Variants in CCDC7 observed in about 807,000 individuals in gnomAD.
The protein encoded by CCDC7 is coiled-coil domain-containing protein 7.
A neutral mutation model predicts 196.9 loss-of-function variants in CCDC7; 183 were observed. That is an observed-to-expected ratio of 0.93 (90% CI 0.82 to 1.05). The LOEUF (loss-of-function observed/expected upper bound fraction) is 1.05, where lower values mean the gene tolerates loss of function less well. Ranked by LOEUF, CCDC7 falls within the 50% of genes least tolerant of loss-of-function variation. The pLI is 0.00. For missense variants in CCDC7, 1,540 were observed against 1,482.2 expected, an observed-to-expected ratio of 1.04 and a Z score of -0.64; for synonymous variants, 525 against 484.6, an observed-to-expected ratio of 1.08 and a Z score of -1.10.
At chr10:32,774,581 A>T (rs1022692647) in intron 28 of CCDC7, among the ~76,000 whole-genome samples, 5 of 151,564 alleles carry the variant, frequency 3.3e-5, no homozygotes, top group African/African-American at 1.2e-4. Context: ...TTTCTCCACT[A>T]CTCCCTTGAG....
intron 28 of CCDC7, among the ~76,000 whole-genome samples, chr10:32,739,177 C>T (rs2085393785): frequency 2.0e-5 from 3 of 151,916 alleles, no homozygotes; most frequent in Admixed American, 2.0e-4. Context: ...GGTTTGATGT[C>T]TACCATTAAT....
chr10:32,448,680 C>A (rs1424628005), upstream of CCDC7, among the ~76,000 whole-genome samples: 1 of 151,956 alleles, frequency 6.6e-6, no homozygotes, highest in South Asian at 2.1e-4. Context: ...TAAAAAAAAT[C>A]CTATTATTGG....
At chr10:32,808,558 C>T (rs11527658) in intron 30 of CCDC7, among the ~76,000 whole-genome samples, 13,390 of 146,676 alleles carry the variant, frequency 0.091, 860 homozygotes, top group East Asian at 0.35. Context: ...CAAGGACCCA[C>T]CTACCTGCTG....
chr10:32,658,428 G>GA (rs961127523), intron 20 of CCDC7, among the ~76,000 whole-genome samples: 1 of 134,276 alleles, frequency 7.4e-6, no homozygotes, highest in Non-Finnish European at 1.6e-5. Context: ...TGCAAAGGGG[G>GA]AAAAACCTCT....
chr10:32,828,677 A>G (rs1323247690), intron 32 of CCDC7, among the ~76,000 whole-genome samples: 1 of 152,172 alleles, frequency 6.6e-6, no homozygotes, highest in African/African-American at 2.4e-5. Context: ...TACAATGCCA[A>G]CTAGGTGACA....
rs1027909305 is a variant in CCDC7, at chr10:32,522,332, A to G, written c.993+3827A>G. 1.4e-4 allele frequency among the ~76,000 whole-genome samples: 22 copies of G among 152,170 alleles called. No individual in the cohort carries two copies. The East Asian group carries it at 2.1e-3, about 15-fold the overall frequency. On this transcript the variant is annotated intron_variant, in intron 11 of 41. Transcript: ENST00000639629. ...TTTCCTTACTGGGAGACTTTTTATTATGGCTTTGATCTCGTTACTTTTTGT... is the reference window on the plus strand; with the variant it reads ...TTTCCTTACTGGGAGACTTTTTATTGTGGCTTTGATCTCGTTACTTTTTGT...
intron 24 of CCDC7, among the ~76,000 whole-genome samples, chr10:32,705,005 G>T (rs112772646): frequency 6.6e-6 from 1 of 152,050 alleles, no homozygotes; most frequent in East Asian, 1.9e-4. Context: ...CGCTCAGTGC[G>T]CTGCGCCCAC....
intron 29 of CCDC7, among the ~76,000 whole-genome samples, chr10:32,803,994 A>G (rs1241537113): frequency 1.3e-5 from 2 of 152,150 alleles, no homozygotes; most frequent in African/African-American, 4.8e-5. Context: ...CTACTTTCTA[A>G]TATAAATTTC....
At position 32,567,534 on chromosome 10, in the gene CCDC7, C is replaced by A. The variant is rs1376326545; in HGVS notation, c.1198-136C>A. The A allele has an allele frequency of 5.0e-6, 5 of 1,007,224 alleles. No individual in the cohort carries two copies. In the African/African-American group the frequency reaches 6.6e-5, roughly 13 times the overall value. The allele number at this position is 1,007,224 out of a possible 1,614,324, so 62.4% of individuals were successfully genotyped here. On this transcript the variant is annotated intron_variant, in intron 14 of 41. Coordinates refer to ENST00000639629, the Ensembl canonical transcript of CCDC7. ...AAGTATCAATTATAGCAATAGCTTACCTTTGCTCCCTTCAACTCAGTAAAA... is the reference window on the plus strand; with the variant it reads ...AAGTATCAATTATAGCAATAGCTTAACTTTGCTCCCTTCAACTCAGTAAAA...
chr10:32,555,448 G>T (rs2054200469), intron 13 of CCDC7, among the ~76,000 whole-genome samples: 1 of 152,148 alleles, frequency 6.6e-6, no homozygotes, highest in South Asian at 2.1e-4. Context: ...GTTTCACCAT[G>T]TTGGCCAGGA....
chr10:32,812,933 C>T lies in CCDC7; in HGVS notation c.3098-1437C>T, dbSNP rs560977485. Among the ~76,000 whole-genome samples, 74 of 152,276 alleles carry T rather than the reference C, an allele frequency of 4.9e-4. 1 individual carries two copies. In the South Asian group the frequency reaches 0.015, roughly 31 times the overall value. Reference sequence around the variant, plus strand: ...AGTCGCTATATCTCTTATATTGTTACTTGATTACTGAAAACTTGTTCTGCT... The same window carrying T: ...AGTCGCTATATCTCTTATATTGTTATTTGATTACTGAAAACTTGTTCTGCT... On this transcript the variant is annotated intron_variant, in intron 30 of 41. Coordinates refer to ENST00000639629, the Ensembl canonical transcript of CCDC7.
intron 18 of CCDC7, among the ~76,000 whole-genome samples, chr10:32,633,414 AC>A (rs2065152866): frequency 6.6e-6 from 1 of 152,152 alleles, no homozygotes; most frequent in African/African-American, 2.4e-5. Context: ...ACCTGACTGA[AC>A]ATTAACAACA....
intron 41 of CCDC7, among the ~76,000 whole-genome samples, chr10:32,865,529 T>C (rs1186554227): frequency 6.6e-6 from 1 of 151,808 alleles, no homozygotes; most frequent in Non-Finnish European, 1.5e-5. Context: ...TACAACTACT[T>C]TGAAAAATTG....
At chr10:32,747,144 C>T (rs1278445382) in intron 28 of CCDC7, among the ~76,000 whole-genome samples, 1 of 152,156 alleles carries the variant, frequency 6.6e-6, no homozygotes, top group Non-Finnish European at 1.5e-5. Context: ...GAGAGAAAAG[C>T]CACAGGCCTG....
intron 13 of CCDC7, among the ~76,000 whole-genome samples, chr10:32,559,020 G>A (rs1011348298): frequency 1.3e-5 from 2 of 152,240 alleles, no homozygotes; most frequent in Non-Finnish European, 1.5e-5. Flanking sequence ...ATTATATCCC[G>A]CACATGGCTT....
upstream of CCDC7, among the ~76,000 whole-genome samples, chr10:32,445,102 C>A (rs1410874212): frequency 6.6e-6 from 1 of 152,196 alleles, no homozygotes; most frequent in South Asian, 2.1e-4. Flanking sequence ...GATGCACTGC[C>A]TCAGGCTCCC....
At chr10:32,797,548 A>G (rs2083857819) in intron 29 of CCDC7, among the ~76,000 whole-genome samples, 1 of 151,868 alleles carries the variant, frequency 6.6e-6, no homozygotes, top group Non-Finnish European at 1.5e-5. Context: ...ATAAAAGGCT[A>G]CAAATTGGGT....
At chr10:32,534,378 TG>T (rs1165136705) in intron 11 of CCDC7, among the ~76,000 whole-genome samples, 1 of 152,220 alleles carries the variant, frequency 6.6e-6, no homozygotes, top group Non-Finnish European at 1.5e-5. Context: ...CGAGAACTCA[TG>T]AATTAACATC....
intron 18 of CCDC7, among the ~76,000 whole-genome samples, chr10:32,607,348 T>C (rs887699388): frequency 2.6e-5 from 4 of 152,212 alleles, no homozygotes; most frequent in African/African-American, 9.6e-5. Flanking sequence ...CCTAACACAT[T>C]ATGACTTCTA....
Sources: allele counts gnomAD v4.1 joint callset (sites outside exome capture counted in the v4.1 genomes callset), GRCh38; gene constraint gnomAD v4.1.1; transcripts MANE v1.5; gene names NCBI Gene and HGNC (gene_info 2026-07-23, HGNC 2026-07-21).